Variants in CBLB observed in about 807,000 individuals in gnomAD.
CBLB encodes the protein Cbl proto-oncogene B, also known as E3 ubiquitin-protein ligase CBL-B.
In CBLB, 31 loss-of-function variants were observed where a neutral mutation model predicts 104.9. The observed-to-expected ratio is 0.30, with a 90% confidence interval of 0.22 to 0.40. The LOEUF is 0.40. CBLB is among the 10% of genes least tolerant of loss of function. The probability of loss-of-function intolerance (pLI) is 1.00; values close to 1 mark genes in which losing one functional copy is unlikely to be tolerated. For missense variants in CBLB, 1,062 were observed against 1,214.6 expected (o/e 0.87, Z 1.87); for synonymous variants, 440 against 422.6 (o/e 1.04, Z -0.51).
At chr3:105,845,799 T>C (rs2090172982) in intron 3 of CBLB, among the ~76,000 whole-genome samples, 1 of 152,238 alleles carries the variant, frequency 6.6e-6, no homozygotes, top group Non-Finnish European at 1.5e-5. Flanking sequence ...AATGAGCCCC[T>C]TCATTTCCAA....
chr3:105,694,603 CA>C (rs1436881832), intron 12 of CBLB, among the ~76,000 whole-genome samples: 1 of 151,710 alleles, frequency 6.6e-6, no homozygotes, highest in Non-Finnish European at 1.5e-5. Context: ...CTTTAGAATA[CA>C]AAATTTAAAA....
At chr3:105,684,737 G>C (rs921023542) in intron 14 of CBLB, among the ~76,000 whole-genome samples, 6 of 152,004 alleles carry the variant, frequency 3.9e-5, no homozygotes, top group Non-Finnish European at 1.5e-5. Flanking sequence ...ATTTTTAGTA[G>C]AGACAGGGTT....
chr3:105,712,798 T>A (rs546484322), intron 10 of CBLB, among the ~76,000 whole-genome samples: 2 of 152,334 alleles, frequency 1.3e-5, no homozygotes, highest in Non-Finnish European at 2.9e-5. Flanking sequence ...TATATAGATG[T>A]TAATATGTTA....
chr3:105,827,236 A>T (rs2086724493), intron 3 of CBLB, among the ~76,000 whole-genome samples: 1 of 2,280 alleles, frequency 4.4e-4, no homozygotes, highest in East Asian at 0.011. Flanking sequence ...CCCCAGAGTA[A>T]ATGACGTAAG....
At chr3:105,868,581 G>T (rs1350107456) in intron 1 of CBLB, 155 bp downstream of exon 1, 18 of 400,646 alleles carry the variant, frequency 4.5e-5, no homozygotes, top group Non-Finnish European at 5.5e-5. Context: ...GCGGGTTCTG[G>T]TCTTTAAATG....
intron 1 of CBLB, chr3:105,868,510 G>A (rs924411888): frequency 3.0e-6 from 1 of 330,314 alleles, no homozygotes; most frequent in Non-Finnish European, 5.3e-6. Flanking sequence ...CGCGCCTCCC[G>A]GCCGCCTGCT....
rs374708310 is a variant in CBLB, at chr3:105,659,194, G to A, written c.2725C>T (p.Arg909Ter). 4.3e-6 allele frequency: 7 copies of A among 1,613,946 alleles called. No individual in the cohort carries two copies. Among genetic ancestry groups the A allele is most frequent in the Non-Finnish European group, 5.9e-6 (7 of 1,179,890 alleles). ...SQAPARPPKPRPRRTAPEIHH... is the reference protein window; with the variant it reads ...SQAPARPPKP ...ATTTCTGGTGCAGTCCTGCGCGGTC[G>A]TGGTTTAGGGGGTCTGGCTGGTGCC... Residue 909 changes from arginine (R) to a stop codon, truncating the protein, a stop_gained, in exon 19 of 19, where the codon CGA (arginine) becomes TGA (stop). Coordinates refer to ENST00000394030, the MANE Select transcript of CBLB (RefSeq NM_170662.5). LOFTEE classifies it high-confidence loss of function.
At chr3:105,767,946 T>C (rs1243868323) in intron 4 of CBLB, among the ~76,000 whole-genome samples, 1 of 152,190 alleles carries the variant, frequency 6.6e-6, no homozygotes, top group Admixed American at 6.5e-5. Flanking sequence ...AAGTATGCTG[T>C]CTCCCAATCA....
chr3:105,726,740 T>A (rs1449627651), intron 9 of CBLB, among the ~76,000 whole-genome samples: 2 of 152,244 alleles, frequency 1.3e-5, no homozygotes, highest in Non-Finnish European at 2.9e-5. Context: ...TGTGTGATGT[T>A]CCCCTCCTGG....
At chr3:105,752,264 C>T (rs1464050239) in intron 4 of CBLB, among the ~76,000 whole-genome samples, 2 of 152,082 alleles carry the variant, frequency 1.3e-5, no homozygotes, top group Admixed American at 6.5e-5. Context: ...GAATATCATT[C>T]GACAAAATTT....
At chr3:105,764,719 G>T (rs1445146511) in intron 4 of CBLB, among the ~76,000 whole-genome samples, 1 of 152,206 alleles carries the variant, frequency 6.6e-6, no homozygotes, top group Non-Finnish European at 1.5e-5. Flanking sequence ...TCTGACATAG[G>T]ACAAAAGTGA....
At chr3:105,759,893 C>A (rs72995644) in intron 4 of CBLB, among the ~76,000 whole-genome samples, 138 of 152,324 alleles carry the variant, frequency 9.1e-4, no homozygotes, top group African/African-American at 3.2e-3. Context: ...CTCCATAGAG[C>A]ACACAGCCCT....
intron 13 of CBLB, 147 bp downstream of exon 13, chr3:105,693,347 A>G (rs569111971): frequency 1.5e-6 from 1 of 645,910 alleles, no homozygotes; most frequent in East Asian, 2.8e-5. Context: ...ATCTTAATTT[A>G]TGGTAATTTA....
rs1479431668 is a variant in CBLB at position 105,656,433 on chromosome 3, T to G, written c.*2537A>C. 4.6e-5 allele frequency: 9 copies of G among 194,896 alleles called. No homozygotes were observed. In the East Asian group the frequency reaches 7.2e-4, roughly 16 times the overall value. The allele number at this position is 194,896 out of a possible 1,614,324, so 12.1% of individuals were successfully genotyped here. ...ATTTTTTTAGGTTTAATTTCATAGGTGATAGATAGCAATGGGTCTTTCTTG... is the reference window on the plus strand; with the variant it reads ...ATTTTTTTAGGTTTAATTTCATAGGGGATAGATAGCAATGGGTCTTTCTTG... On this transcript the variant is annotated 3_prime_UTR_variant, in exon 19 of 19. Transcript: ENST00000394030.
chr3:105,729,239 G>C (rs894464751), intron 9 of CBLB, among the ~76,000 whole-genome samples: 1 of 152,036 alleles, frequency 6.6e-6, no homozygotes, highest in African/African-American at 2.4e-5. Flanking sequence ...TTAACACCAT[G>C]CCCCTTAATA....
Position 105,671,583 on chromosome 3 carries a change from G to A in CBLB, c.2570-1231C>T, listed in dbSNP as rs189070208. 16 of 209,114 alleles carry A rather than the reference G, an allele frequency of 7.7e-5. 1 individual carries two copies. The East Asian group carries it at 1.2e-3, about 15-fold the overall frequency. The allele number at this position is 209,114 out of a possible 1,614,324, so 13.0% of individuals were successfully genotyped here. A position where few individuals can be genotyped will look rare whatever the true frequency, so the allele number is the denominator to read the frequency against. ...AAAGAAGACCCGATTGAATTTCATT[G>A]TTTTAACTTCCACTCCCTTAGACAT... On this transcript the variant is annotated intron_variant, in intron 17 of 18. Coordinates refer to ENST00000394030, the MANE Select transcript of CBLB (RefSeq NM_170662.5).
Position 105,706,413 on chromosome 3 carries a change from A to C in CBLB, c.1408-2240T>G, listed in dbSNP as rs145180726. Among the ~76,000 whole-genome samples the C allele has an allele frequency of 8.3e-4, 127 of 152,294 alleles. 1 individual carries two copies. The highest frequency in any genetic ancestry group is 3.0e-3 in the African/African-American group (125 of 41,564). ...TTGTCACTGAAGGAGAAAATAAAGA[A>C]TCTCTATAGTCACAAACTGACTTGA... On this transcript the variant is annotated intron_variant, in intron 10 of 18. Transcript: ENST00000394030.
intron 7 of CBLB, among the ~76,000 whole-genome samples, chr3:105,738,652 T>C (rs2075205733): frequency 6.6e-6 from 1 of 152,122 alleles, no homozygotes; most frequent in African/African-American, 2.4e-5. Flanking sequence ...AGGTTCTTTT[T>C]AACCTATCAG....
At chr3:105,819,080 A>C (rs1256562319) in intron 3 of CBLB, among the ~76,000 whole-genome samples, 2 of 152,248 alleles carry the variant, frequency 1.3e-5, no homozygotes, top group Non-Finnish European at 2.9e-5. Flanking sequence ...GTTAGATATA[A>C]CTTAAATCTA....
Sources: gnomAD v4.1 joint callset for allele counts (sites outside exome capture counted in the v4.1 genomes callset) on GRCh38, gnomAD v4.1.1 for gene constraint, MANE v1.5 for transcripts, NCBI Gene and HGNC (gene_info 2026-07-23, HGNC 2026-07-21) for gene names.